KIAA1549: variants seen among roughly 807,000 people sequenced by gnomAD.
KIAA1549 encodes the protein KIAA1549.
A neutral mutation model predicts 156.4 loss-of-function variants in KIAA1549; 70 were observed. That is an observed-to-expected ratio of 0.45 (90% CI 0.37 to 0.55). The LOEUF (loss-of-function observed/expected upper bound fraction) is 0.55. Ranked by LOEUF, KIAA1549 falls within the 20% of genes least tolerant of loss-of-function variation. The pLI, the probability that KIAA1549 is intolerant of heterozygous loss-of-function variation, is 0.00. For synonymous variants in KIAA1549, 1,103 were observed against 1,066.4 expected (o/e 1.03, Z -0.67); for missense variants, 2,428 against 2,540.9 (o/e 0.96, Z 0.96).
chr7:138,944,280 A>T (rs1015869880), intron 1 of KIAA1549, among the ~76,000 whole-genome samples: 1 of 152,212 alleles, frequency 6.6e-6, no homozygotes, highest in Non-Finnish European at 1.5e-5. Flanking sequence ...CAAAAGCCAC[A>T]TAATTGCCAA....
At chr7:138,933,042 C>T (rs370581929) in intron 1 of KIAA1549, among the ~76,000 whole-genome samples, 1 of 152,090 alleles carries the variant, frequency 6.6e-6, no homozygotes, top group African/African-American at 2.4e-5. Context: ...TGAATGACTC[C>T]GAGAGACCAG....
At chr7:138,883,115 AAAT>A (rs1811293254) in intron 10 of KIAA1549, among the ~76,000 whole-genome samples, 4 of 125,462 alleles carry the variant, frequency 3.2e-5, no homozygotes, top group African/African-American at 9.0e-5. Flanking sequence ...AAAAAAAAAA[AAAT>A]TCAGCCAGAC....
Position 138,881,470 on chromosome 7 carries a change from C to T in KIAA1549, c.4147G>A (p.Asp1383Asn). ...EPAPLPGPLK[D>N]HTTPSENGDV... is the part of the protein sequence containing the mutation. Reference sequence around the variant, plus strand: ...CCATTTTCCGAGGGCGTGGTGTGGTCCTTCAGAGGTCCTGGCAGTGGCGCT... The same window carrying T: ...CCATTTTCCGAGGGCGTGGTGTGGTTCTTCAGAGGTCCTGGCAGTGGCGCT... The change falls in exon 11 of 20, where the codon GAC (aspartate) becomes AAC (asparagine). Residue 1383 changes from aspartate (D) to asparagine (N), a missense_variant. Transcript: ENST00000422774. The T allele has an allele frequency of 6.2e-7, 1 of 1,614,012 alleles. No individual in the cohort carries two copies. The highest frequency in any genetic ancestry group is 1.1e-5 in the South Asian group (1 of 91,080).
At position 138,833,052 on chromosome 7, in the gene KIAA1549, G is replaced by C. The variant is rs1809586114; in HGVS notation, c.*4854C>G. On this transcript the variant is annotated 3_prime_UTR_variant, in exon 20 of 20. Coordinates refer to ENST00000422774, the MANE Select transcript of KIAA1549 (RefSeq NM_001164665.2). Reference sequence around the variant, plus strand: ...TGTTTTGTGTTCACATGCTCTGTCTGCCGGTACAGAAGTGGACTTCCTCCT... The same window carrying C: ...TGTTTTGTGTTCACATGCTCTGTCTCCCGGTACAGAAGTGGACTTCCTCCT... 1 of 231,984 alleles carries C rather than the reference G, an allele frequency of 4.3e-6. No homozygotes were observed. Among genetic ancestry groups the C allele is most frequent in the African/African-American group, 2.2e-5 (1 of 45,296 alleles). 14.4% of individuals were successfully genotyped at this position (231,984 alleles called of 1,614,324 possible).
intron 1 of KIAA1549, among the ~76,000 whole-genome samples, chr7:138,935,308 T>C (rs1812978023): frequency 6.6e-6 from 1 of 152,230 alleles, no homozygotes; most frequent in Non-Finnish European, 1.5e-5. Flanking sequence ...AATGTTGGTT[T>C]AATTGAAGGC....
chr7:138,863,182 T>C (rs1439078416), intron 15 of KIAA1549, among the ~76,000 whole-genome samples: 1 of 151,206 alleles, frequency 6.6e-6, no homozygotes, highest in Non-Finnish European at 1.5e-5. Flanking sequence ...GCAGACACAG[T>C]GAAGAGAGAA....
intron 2 of KIAA1549, among the ~76,000 whole-genome samples, chr7:138,912,694 C>G (rs370689392): frequency 1.3e-5 from 2 of 152,088 alleles, no homozygotes; most frequent in African/African-American, 2.4e-5. Context: ...TGCATAGCAT[C>G]AGCTCAACAC....
At chr7:138,861,548 A>T (rs1810579468) in intron 15 of KIAA1549, 92 bp from the exon 16 acceptor site, 2 of 1,047,770 alleles carry the variant, frequency 1.9e-6, no homozygotes. Flanking sequence ...GTTCTATCAT[A>T]AGAATTAAAA....
chr7:138,935,364 T>G (rs1388707329), intron 1 of KIAA1549, among the ~76,000 whole-genome samples: 1 of 152,220 alleles, frequency 6.6e-6, no homozygotes, highest in Non-Finnish European at 1.5e-5. Flanking sequence ...TGCTTTGTTT[T>G]GCTTTATTCT....
At chr7:138,944,673 AAAG>A (rs201441390) in intron 1 of KIAA1549, among the ~76,000 whole-genome samples, 4,172 of 152,332 alleles carry the variant, frequency 0.027, 75 homozygotes, top group Admixed American at 0.04. Context: ...GGAAAAAAAA[AAAG>A]GTGATATATC....
intron 7 of KIAA1549, 96 bp from the exon 8 acceptor site, chr7:138,903,832 TGTGTGTGTGTGTGTGTGTGTGCGCGC>T (rs1311650028): frequency 6.4e-5 from 25 of 389,460 alleles, no homozygotes; most frequent in African/African-American, 5.2e-4. Context: ...TGTGTGTGTG[TGTGTGTGTGTGTGTGTGTGTGCGCGC>T]GCGCGCGCGC....
At chr7:138,908,410 C>T (rs1441801034) in intron 5 of KIAA1549, among the ~76,000 whole-genome samples, 2 of 152,090 alleles carry the variant, frequency 1.3e-5, no homozygotes, top group Non-Finnish European at 2.9e-5. Context: ...ATAATGGACA[C>T]AGCTAAGGAC....
chr7:138,859,140 TG>T (rs562575945), intron 16 of KIAA1549, among the ~76,000 whole-genome samples: 11 of 152,202 alleles, frequency 7.2e-5, no homozygotes, highest in Admixed American at 3.3e-4. Flanking sequence ...CAGTTTCAGG[TG>T]GGGCTTTCTT....
rs114905446 is a variant in KIAA1549, at chr7:138,870,266, G to A, written c.4552-505C>T. Among the ~76,000 whole-genome samples, 983 of 151,952 alleles carry A rather than the reference G, an allele frequency of 6.5e-3. 15 individuals are homozygous for A. The highest frequency in any genetic ancestry group is 0.023 in the African/African-American group (949 of 41,416). The stretch of plus-strand genomic sequence containing the variant: ...GAGAGCGACAGGCACAGACCAGGGA[G>A]GAGCAGAGACCCTGCCATCCCACGA... On this transcript the variant is annotated intron_variant, in intron 13 of 19. Coordinates refer to ENST00000422774, the MANE Select transcript of KIAA1549 (RefSeq NM_001164665.2).
intron 1 of KIAA1549, among the ~76,000 whole-genome samples, chr7:138,937,756 G>T (rs1232941484): frequency 1.3e-5 from 2 of 152,176 alleles, no homozygotes; most frequent in East Asian, 1.9e-4. Flanking sequence ...AGACTCACAT[G>T]GACGGTGAGG....
At position 138,838,126 on chromosome 7, in the gene KIAA1549, G is replaced by A; in HGVS notation, c.5633C>T (p.Ser1878Leu). 6.6e-7 allele frequency: 1 copy of A among 1,523,692 alleles called. No homozygotes were observed. The highest frequency in any genetic ancestry group is 8.8e-7 in the Non-Finnish European group (1 of 1,141,432). 94.4% of individuals were successfully genotyped at this position (1,523,692 alleles called of 1,614,324 possible). A position where few individuals can be genotyped will look rare whatever the true frequency, so the allele number is the denominator to read the frequency against. Residue 1878 changes from serine (S) to leucine (L), a missense_variant, in exon 20 of 20, where the codon TCA (serine) becomes TTA (leucine). Coordinates refer to ENST00000422774, the MANE Select transcript of KIAA1549 (RefSeq NM_001164665.2). ...AGTCCTTGGCACCTGAAATAGCGGT[G>A]AAGAAGAATACTCTTGATGTCCGAG... is the stretch of plus-strand genomic sequence containing the variant. ...HMLGHQEYSS[S>L]PLFQVPRTSG...
chr7:138,939,150 C>A (rs1421451955), intron 1 of KIAA1549, among the ~76,000 whole-genome samples: 1 of 152,162 alleles, frequency 6.6e-6, no homozygotes, highest in Non-Finnish European at 1.5e-5. Flanking sequence ...TCCCAGACAT[C>A]ATTAATTTCT....
At chr7:138,925,628 G>A (rs1428135348) in intron 1 of KIAA1549, among the ~76,000 whole-genome samples, 1 of 151,946 alleles carries the variant, frequency 6.6e-6, no homozygotes, top group African/African-American at 2.4e-5. Flanking sequence ...GAGCCCTGGA[G>A]TTCACCAGTC....
intron 1 of KIAA1549, among the ~76,000 whole-genome samples, chr7:138,937,210 A>G (rs1813041430): frequency 6.7e-6 from 1 of 149,042 alleles, no homozygotes; most frequent in East Asian, 2.0e-4. Flanking sequence ...TAACTATCAC[A>G]CCCCAGAACC....
Sources: allele counts gnomAD v4.1 joint callset (sites outside exome capture counted in the v4.1 genomes callset), GRCh38; gene constraint gnomAD v4.1.1; transcripts MANE v1.5; gene names NCBI Gene and HGNC (gene_info 2026-07-23, HGNC 2026-07-21).